Variants in AK4 observed in about 807,000 individuals in gnomAD.
AK4 encodes the protein adenylate kinase 4, mitochondrial.
A neutral mutation model predicts 24.6 loss-of-function variants in AK4; 13 were observed. The ratio of observed to expected loss-of-function variants is 0.53; its 90% CI spans 0.34 to 0.84. The LOEUF is 0.84. Ranked by LOEUF, AK4 falls within the 40% of genes least tolerant of loss-of-function variation. The probability of loss-of-function intolerance (pLI) is 0.01; values close to 1 mark genes in which losing one functional copy is unlikely to be tolerated. For synonymous variants in AK4, 88 were observed against 107.0 expected (o/e 0.82, Z 1.10); for missense variants, 192 against 288.2 (o/e 0.67, Z 2.42).
At chr1:65,191,769 CT>C (rs1464937121) in intron 2 of AK4, among the ~76,000 whole-genome samples, 6 of 152,142 alleles carry the variant, frequency 3.9e-5, no homozygotes, top group Admixed American at 3.3e-4. Context: ...CTCAGAAAGA[CT>C]ATTCTGTTAG....
intron 1 of AK4, among the ~76,000 whole-genome samples, chr1:65,177,248 T>TG (rs59209203): frequency 0.52 from 79,162 of 152,048 alleles, 24,885 homozygotes; most frequent in African/African-American, 0.88. Context: ...CAGTGACTAA[T>TG]ATGCCACGAG....
chr1:65,164,012 A>G (rs1452849024), intron 1 of AK4, among the ~76,000 whole-genome samples: 1 of 152,180 alleles, frequency 6.6e-6, no homozygotes, highest in East Asian at 1.9e-4. Context: ...TAGATTTTAC[A>G]GAGTGATGTT....
intron 2 of AK4, among the ~76,000 whole-genome samples, chr1:65,199,133 G>A (rs1310603070): frequency 6.6e-6 from 1 of 150,920 alleles, no homozygotes; most frequent in Admixed American, 6.6e-5. Flanking sequence ...TTAGATGAAT[G>A]TTATTTTCTT....
intron 2 of AK4, among the ~76,000 whole-genome samples, chr1:65,206,112 C>T (rs1453910600): frequency 6.6e-6 from 1 of 152,156 alleles, no homozygotes; most frequent in Non-Finnish European, 1.5e-5. Flanking sequence ...TATAATGTGA[C>T]ATTATGTATT....
At chr1:65,187,086 G>A (rs1247559484) in intron 1 of AK4, among the ~76,000 whole-genome samples, 1 of 151,724 alleles carries the variant, frequency 6.6e-6, no homozygotes, top group Non-Finnish European at 1.5e-5. Context: ...GAGGCCGGGC[G>A]CGGTGGCTCA....
chr1:65,151,936 G>C (rs940815133), intron 1 of AK4, among the ~76,000 whole-genome samples: 4 of 152,018 alleles, frequency 2.6e-5, no homozygotes, highest in Admixed American at 1.3e-4. Context: ...TAAATAGAAG[G>C]GAGAGTTCTC....
chr1:65,152,378 ATATATATTTTTTTTTTT>A (rs1649819976), intron 1 of AK4, among the ~76,000 whole-genome samples: 11 of 58,200 alleles, frequency 1.9e-4, no homozygotes, highest in African/African-American at 4.8e-4. Flanking sequence ...ATATATATAT[ATATATATTTTTTTTTTT>A]TTTTTTTTTT....
intron 2 of AK4, among the ~76,000 whole-genome samples, chr1:65,196,146 T>C (rs79817996): frequency 0.021 from 3,198 of 152,264 alleles, 64 homozygotes; most frequent in East Asian, 0.066. Context: ...TTTAGACTCC[T>C]TATGTTACAC....
At chr1:65,187,365 AAAAG>A in intron 1 of AK4, among the ~76,000 whole-genome samples, 1 of 151,594 alleles carries the variant, frequency 6.6e-6, no homozygotes, top group East Asian at 1.9e-4. Flanking sequence ...AAAAAAAAAA[AAAAG>A]AAGTGTCCAG....
chr1:65,179,749 C>T (rs1257832909), intron 1 of AK4, among the ~76,000 whole-genome samples: 1 of 152,064 alleles, frequency 6.6e-6, no homozygotes, highest in African/African-American at 2.4e-5. Flanking sequence ...GCGGGAGAAT[C>T]GCTTGAGTCT....
At chr1:65,218,003 A>G (rs1324760498) in intron 2 of AK4, among the ~76,000 whole-genome samples, 1 of 152,186 alleles carries the variant, frequency 6.6e-6, no homozygotes, top group Non-Finnish European at 1.5e-5. Context: ...CCATCATCTC[A>G]CATAGGTATG....
At chr1:65,153,180 T>C (rs1649857527) in intron 1 of AK4, among the ~76,000 whole-genome samples, 1 of 152,234 alleles carries the variant, frequency 6.6e-6, no homozygotes, top group African/African-American at 2.4e-5. Flanking sequence ...TGAAGAACAC[T>C]ATTTGTGACT....
chr1:65,182,440 C>G lies in AK4; in HGVS notation c.146-8270C>G, dbSNP rs555666176. On this transcript the variant is annotated intron_variant, in intron 1 of 4. Coordinates refer to ENST00000327299, the MANE Select transcript of AK4 (RefSeq NM_013410.4). Reference sequence around the variant, plus strand: ...ACTTCTGGCATGTACTTTTCCTTTCCTGTGTCACAAAACACACTTTTCATT... The same window carrying G: ...ACTTCTGGCATGTACTTTTCCTTTCGTGTGTCACAAAACACACTTTTCATT... 2.0e-5 allele frequency among the ~76,000 whole-genome samples: 3 copies of G among 152,134 alleles called. No individual in the cohort carries two copies. The East Asian group carries it at 5.8e-4, about 29-fold the overall frequency.
At chr1:65,201,295 G>A (rs566908665) in intron 2 of AK4, among the ~76,000 whole-genome samples, 2 of 152,172 alleles carry the variant, frequency 1.3e-5, no homozygotes, top group South Asian at 4.1e-4. Context: ...TATAGATTCT[G>A]TCCTGCGTTC....
chr1:65,177,703 T>C (rs1650763722), intron 1 of AK4, among the ~76,000 whole-genome samples: 1 of 152,170 alleles, frequency 6.6e-6, no homozygotes, highest in South Asian at 2.1e-4. Flanking sequence ...CATCCACTTG[T>C]TGGGAACAGA....
rs1030336685 is a variant in AK4, at chr1:65,191,155, C to A, written c.265+326C>A. ...GTTCTTTCATTCACCACAGGGCACA[C>A]AAAATACAATTATGAGTTATTATTT... On this transcript the variant is annotated intron_variant, in intron 2 of 4. Transcript: ENST00000327299. Among the ~76,000 whole-genome samples the A allele has an allele frequency of 6.6e-5, 10 of 152,246 alleles. No homozygotes were observed. The South Asian group carries it at 2.1e-3, about 32-fold the overall frequency.
At chr1:65,170,103 G>A (rs556338265) in intron 1 of AK4, among the ~76,000 whole-genome samples, 27 of 152,242 alleles carry the variant, frequency 1.8e-4, no homozygotes, top group African/African-American at 5.5e-4. Flanking sequence ...TTGGCCAGGC[G>A]TGGTGGCTCA....
At chr1:65,165,339 G>A (rs897656982) in intron 1 of AK4, among the ~76,000 whole-genome samples, 4 of 152,034 alleles carry the variant, frequency 2.6e-5, no homozygotes, top group African/African-American at 9.7e-5. Context: ...GTGAAAGCAG[G>A]GTATTTTTGA....
At chr1:65,189,675 A>ACC (rs71809703) in intron 1 of AK4, among the ~76,000 whole-genome samples, 39,753 of 150,918 alleles carry the variant, frequency 0.26, 5,378 homozygotes, top group East Asian at 0.5. Flanking sequence ...ACACACACAC[A>ACC]CACCCCACAC....
Sources: allele counts gnomAD v4.1 joint callset (sites outside exome capture counted in the v4.1 genomes callset), GRCh38; gene constraint gnomAD v4.1.1; transcripts MANE v1.5; gene names NCBI Gene and HGNC (gene_info 2026-07-23, HGNC 2026-07-21).